WNK1: variants seen among roughly 807,000 people sequenced by gnomAD.
WNK1 encodes WNK lysine deficient protein kinase 1.
In WNK1, 38 loss-of-function variants were observed where a neutral mutation model predicts 222.8. The observed-to-expected ratio is 0.17, with a 90% confidence interval of 0.13 to 0.22. WNK1 has a LOEUF of 0.22. Ranked by LOEUF, WNK1 falls within the 10% of genes least tolerant of loss-of-function variation. The pLI is 1.00. For missense variants in WNK1, 2,348 were observed against 2,918.4 expected (o/e 0.80, Z 4.50); for synonymous variants, 1,090 against 1,092.9 (o/e 1.00, Z 0.05).
intron 8 of WNK1, among the ~76,000 whole-genome samples, chr12:863,152 T>A (rs1951348574): frequency 6.6e-6 from 1 of 152,148 alleles, no homozygotes; most frequent in South Asian, 2.1e-4. Context: ...GCAGACAGAT[T>A]TTCCCCTTCT....
chr12:901,478 C>G (rs1265300145), intron 26 of WNK1: 2 of 1,006,706 alleles, frequency 2.0e-6, no homozygotes, highest in Non-Finnish European at 1.3e-6. Flanking sequence ...TTTCACCACT[C>G]CAGCCTCAAG....
chr12:878,739 A>G (rs1952847673), intron 10 of WNK1, among the ~76,000 whole-genome samples: 1 of 142,322 alleles, frequency 7.0e-6, no homozygotes, highest in African/African-American at 2.5e-5. Context: ...GTTTGAAACT[A>G]TGCTTTATTT....
intron 1 of WNK1, among the ~76,000 whole-genome samples, chr12:791,563 A>T (rs866854272): frequency 0.067 from 1,721 of 25,500 alleles, 30 homozygotes; most frequent in African/African-American, 0.11. Flanking sequence ...TTCTTTTTTA[A>T]AAAAAAAAAA....
In WNK1 at chr12:896,396, C is replaced by G; in HGVS notation, c.5909C>G (p.Thr1970Arg). 6.2e-7 allele frequency: 1 copy of G among 1,614,116 alleles called. No individual in the cohort carries two copies. The highest frequency in any genetic ancestry group is 8.5e-7 in the Non-Finnish European group (1 of 1,180,020). ...VSKTEDKITD[T>R]KKEGPVASPP... ...AAAACTGAGGACAAGATCACTGACA[C>G]AAAGAAAGAAGGACCAGTGGCATCT... is the stretch of plus-strand genomic sequence containing the variant. The change falls in exon 24 of 28, where the codon ACA (threonine) becomes AGA (arginine). Residue 1970 changes from threonine (T) to arginine (R), a missense_variant. By Grantham distance (71) the Thr-to-Arg change is moderately conservative. Coordinates refer to ENST00000315939, the MANE Select transcript of WNK1 (RefSeq NM_018979.4).
chr12:795,927 C>T (rs1307228038), intron 1 of WNK1, among the ~76,000 whole-genome samples: 1 of 152,146 alleles, frequency 6.6e-6, no homozygotes, highest in African/African-American at 2.4e-5. Flanking sequence ...CACTCTGTCA[C>T]CCAGGCCAGA....
intron 1 of WNK1, among the ~76,000 whole-genome samples, chr12:795,981 G>A (rs781745769): frequency 2.0e-5 from 3 of 151,944 alleles, no homozygotes; most frequent in African/African-American, 4.8e-5. Flanking sequence ...TCTGCCTCCC[G>A]GGTTCAAGTG....
rs182026860 is a variant in WNK1, at chr12:866,998, G to A, written c.2140-4267G>A. On this transcript the variant is annotated intron_variant, in intron 8 of 27. Transcript: ENST00000315939. ...ATTAGCTGGGCGTGGTGGCGCACGC[G>A]TGTAGTCCCAGCTACTTGGGAGGCT... 3.2e-4 allele frequency among the ~76,000 whole-genome samples: 49 copies of A among 152,032 alleles called. 1 individual carries two copies. Among genetic ancestry groups the A allele is most frequent in the Admixed American group, 1.8e-3 (27 of 15,282 alleles).
At chr12:870,825 T>C (rs191582777) in intron 8 of WNK1, among the ~76,000 whole-genome samples, 3 of 152,344 alleles carry the variant, frequency 2.0e-5, no homozygotes, top group East Asian at 3.9e-4. Flanking sequence ...TTTGATACTT[T>C]TGATAAAAGT....
chr12:910,758 T>TAAG lies in WNK1; in HGVS notation c.*1967_*1969dup, dbSNP rs548345320. 7 of 152,582 alleles carry TAAG rather than the reference T, an allele frequency of 4.6e-5. No homozygotes were observed. The South Asian group carries it at 1.4e-3, about 32-fold the overall frequency. 9.5% of individuals were successfully genotyped at this position (152,582 alleles called of 1,614,324 possible). A position where few individuals can be genotyped will look rare whatever the true frequency, so the allele number is the denominator to read the frequency against. Reference sequence around the variant, plus strand: ...AGGCTCCTGTACCCTGTTCATTCCTTAAGGGCCCTGCTTCCCTTAGTAAGT... The same window carrying TAAG: ...AGGCTCCTGTACCCTGTTCATTCCTTAAGAAGGGCCCTGCTTCCCTTAGTAAGT... On this transcript the variant is annotated 3_prime_UTR_variant, in exon 28 of 28. Transcript: ENST00000315939.
At chr12:778,180 A>G (rs144386712) in intron 1 of WNK1, among the ~76,000 whole-genome samples, 2,298 of 152,274 alleles carry the variant, frequency 0.015, 14 homozygotes, top group Non-Finnish European at 0.022. Flanking sequence ...AAACCAGAAG[A>G]AGGCTACTCC....
intron 4 of WNK1, among the ~76,000 whole-genome samples, chr12:854,681 A>G (rs192835143): frequency 8.3e-4 from 127 of 152,320 alleles, no homozygotes; most frequent in Non-Finnish European, 8.7e-4. Flanking sequence ...AAGTTTATGC[A>G]GTTTTTATAT....
At chr12:806,531 CATAAAA>C (rs1413068240) in intron 1 of WNK1, among the ~76,000 whole-genome samples, 1 of 152,114 alleles carries the variant, frequency 6.6e-6, no homozygotes, top group Admixed American at 6.5e-5. Context: ...AGCTTGGTGT[CATAAAA>C]ATAGTGTCTG....
intron 1 of WNK1, among the ~76,000 whole-genome samples, chr12:802,322 A>G (rs1945960502): frequency 6.6e-6 from 1 of 152,256 alleles, no homozygotes; most frequent in South Asian, 2.1e-4. Context: ...TTGGCATAAC[A>G]TTAATGACAG....
intron 8 of WNK1, chr12:868,320 A>T: frequency 6.2e-7 from 1 of 1,612,924 alleles, no homozygotes; most frequent in Non-Finnish European, 8.5e-7. Context: ...GCAGAACAGT[A>T]TGAGGGCATT....
intron 23 of WNK1, among the ~76,000 whole-genome samples, chr12:894,865 C>T (rs1405315000): frequency 6.6e-6 from 1 of 152,014 alleles, no homozygotes; most frequent in Non-Finnish European, 1.5e-5. Context: ...ATCTATCCAC[C>T]CACCTCCCAA....
At chr12:762,103 A>G (rs1018695102) in intron 1 of WNK1, among the ~76,000 whole-genome samples, 1 of 141,790 alleles carries the variant, frequency 7.1e-6, no homozygotes, top group Non-Finnish European at 1.6e-5. Flanking sequence ...TCTGTTGCCC[A>G]GGCTGGAGTA....
rs1263310714 is a variant in WNK1, at chr12:885,520, T to C, written c.4716T>C (p.Ile1572=). The change falls in exon 19 of 28, where the codon ATT becomes ATC. Residue 1572 remains isoleucine, a synonymous_variant. Transcript: ENST00000315939. The part of the protein sequence containing the change: ...SQPGGLHPLV[I]PSVIASTPIL... ...CTGGTGGGCTGCATCCTTTGGTCAT[T>C]CCATCAGTGATAGCTTCTACTCCTA... The C allele has an allele frequency of 1.9e-6, 3 of 1,614,108 alleles. No homozygotes were observed. In the South Asian group the frequency reaches 3.3e-5, roughly 18 times the overall value.
At chr12:834,134 T>A (rs756382410) in intron 4 of WNK1, among the ~76,000 whole-genome samples, 3 of 152,070 alleles carry the variant, frequency 2.0e-5, no homozygotes, top group Non-Finnish European at 4.4e-5. Flanking sequence ...AGGAATAGGA[T>A]TTACATGAAT....
At chr12:901,516 T>A in intron 26 of WNK1, 1 of 1,253,942 alleles carries the variant, frequency 8.0e-7, no homozygotes, top group Non-Finnish European at 1.0e-6. Context: ...TTGTGTTCTG[T>A]CTCTTCTCCT....
Sources: allele counts gnomAD v4.1 joint callset (sites outside exome capture counted in the v4.1 genomes callset), GRCh38; gene constraint gnomAD v4.1.1; transcripts MANE v1.5; gene names NCBI Gene and HGNC (gene_info 2026-07-23, HGNC 2026-07-21).